KSR1: variants seen among roughly 807,000 people sequenced by gnomAD.
The protein encoded by KSR1 is kinase suppressor of ras.
In KSR1, 35 loss-of-function variants were observed where a neutral mutation model predicts 92.9. The observed-to-expected ratio is 0.38, with a 90% CI of 0.29 to 0.50. KSR1 has a LOEUF of 0.50. Ranked by LOEUF, KSR1 falls within the 20% of genes least tolerant of loss-of-function variation. KSR1 has a pLI of 0.94. For synonymous variants in KSR1, 467 were observed against 472.6 expected (o/e 0.99, Z 0.15); for missense variants, 972 against 1,158.5 (o/e 0.84, Z 2.34).
intron 1 of KSR1, among the ~76,000 whole-genome samples, chr17:27,498,738 C>G (rs1256374429): frequency 1.3e-5 from 2 of 152,226 alleles, no homozygotes; most frequent in African/African-American, 4.8e-5. Context: ...CCCACCCTAG[C>G]AAAGCCCCAC....
intron 1 of KSR1, among the ~76,000 whole-genome samples, chr17:27,497,610 T>C (rs1162533571): frequency 1.3e-5 from 2 of 152,228 alleles, no homozygotes; most frequent in African/African-American, 2.4e-5. Context: ...TTGTTTTGTT[T>C]CAGTTATGCT....
intron 2 of KSR1, among the ~76,000 whole-genome samples, chr17:27,552,980 A>G (rs759475550): frequency 3.3e-5 from 5 of 152,198 alleles, no homozygotes; most frequent in Non-Finnish European, 7.3e-5. Context: ...CAGTGGGTAT[A>G]GAAACTCACC....
At chr17:27,469,029 T>C (rs2019842582) in intron 1 of KSR1, among the ~76,000 whole-genome samples, 2 of 152,192 alleles carry the variant, frequency 1.3e-5, no homozygotes, top group African/African-American at 4.8e-5. Flanking sequence ...TCAGCTAACA[T>C]TGATTAAGCT....
intron 1 of KSR1, among the ~76,000 whole-genome samples, chr17:27,550,103 G>A (rs2071339618): frequency 6.6e-6 from 1 of 152,164 alleles, no homozygotes; most frequent in Admixed American, 6.5e-5. Context: ...ACGGTGGTGT[G>A]ATGATGGCTC....
chr17:27,543,533 C>T (rs2071043298), intron 1 of KSR1, among the ~76,000 whole-genome samples: 1 of 152,212 alleles, frequency 6.6e-6, no homozygotes, highest in African/African-American at 2.4e-5. Context: ...CTCCTTGGCA[C>T]AGTATCTGCT....
In KSR1 at chr17:27,468,997, C is replaced by T. The variant is rs895290984; in HGVS notation, c.231+12123C>T. 5.9e-5 allele frequency among the ~76,000 whole-genome samples: 9 copies of T among 152,150 alleles called. No homozygotes were observed. The East Asian group carries it at 1.5e-3, about 26-fold the overall frequency. On this transcript the variant is annotated intron_variant, in intron 1 of 20. Transcript: ENST00000644974. ...CCCTTCCTTTTCCTTGTTGCTTGTTCCCATTATGAGATAAGTGTATTTCAG... is the reference window on the plus strand; with the variant it reads ...CCCTTCCTTTTCCTTGTTGCTTGTTTCCATTATGAGATAAGTGTATTTCAG...
intron 1 of KSR1, among the ~76,000 whole-genome samples, chr17:27,502,679 C>G (rs771789825): frequency 6.6e-6 from 1 of 152,318 alleles, no homozygotes; most frequent in South Asian, 2.1e-4. Context: ...CACACTTGAG[C>G]GTCAGCACAT....
chr17:27,485,073 T>G (rs1190209583), intron 1 of KSR1, among the ~76,000 whole-genome samples: 5 of 152,186 alleles, frequency 3.3e-5, no homozygotes, highest in Non-Finnish European at 5.9e-5. Context: ...TGGCTTCCTA[T>G]ACCTGGCCCA....
At chr17:27,507,950 C>A (rs1028508887) in intron 1 of KSR1, among the ~76,000 whole-genome samples, 1 of 151,954 alleles carries the variant, frequency 6.6e-6, no homozygotes, top group African/African-American at 2.4e-5. Context: ...GAGCGTGTAG[C>A]CTGGCAGCTG....
chr17:27,523,301 A>G (rs542293138), intron 1 of KSR1, among the ~76,000 whole-genome samples: 5 of 152,220 alleles, frequency 3.3e-5, no homozygotes, highest in African/African-American at 1.2e-4. Context: ...TCTGACTTAC[A>G]TGAATCAGCC....
At chr17:27,601,550 G>A (rs1338818382) in intron 11 of KSR1, 149 bp downstream of exon 11, 1 of 708,070 alleles carries the variant, frequency 1.4e-6, no homozygotes, top group East Asian at 2.7e-5. Context: ...CATAGAGGAT[G>A]GGAAGAGGGC....
At chr17:27,479,136 G>T (rs576995610) in intron 1 of KSR1, among the ~76,000 whole-genome samples, 1 of 84,976 alleles carries the variant, frequency 1.2e-5, no homozygotes, top group South Asian at 4.1e-4. Flanking sequence ...CTGTCTCCCT[G>T]TGTGCTCCTC....
intron 2 of KSR1, among the ~76,000 whole-genome samples, chr17:27,561,645 T>C (rs2948525): frequency 0.56 from 84,801 of 152,116 alleles, 23,983 homozygotes; most frequent in Admixed American, 0.67. Context: ...TGCTCGGCAC[T>C]GTTCTAGCCA....
In KSR1 at chr17:27,457,031, C is replaced by A. The variant is rs914905764; in HGVS notation, c.231+157C>A. On this transcript the variant is annotated intron_variant, in intron 1 of 20. Coordinates refer to ENST00000644974, the MANE Select transcript of KSR1 (RefSeq NM_001394583.1). ...ACTCGCTGATGCGGCAGCCGGAGGA[C>A]CCGGGACCAGCCCTCATCTTGGGCA... 7.6e-4 allele frequency among the ~76,000 whole-genome samples: 115 copies of A among 152,184 alleles called. 1 individual carries two copies. Among genetic ancestry groups the A allele is most frequent in the Admixed American group, 5.0e-3 (76 of 15,288 alleles).
At chr17:27,458,154 G>A (rs1446604664) in intron 1 of KSR1, among the ~76,000 whole-genome samples, 1 of 152,146 alleles carries the variant, frequency 6.6e-6, no homozygotes, top group Admixed American at 6.5e-5. Flanking sequence ...GGCTAAAGCT[G>A]TACTGACCAA....
At position 27,456,705 on chromosome 17, in the gene KSR1, G is replaced by GGGATGCGGCGGCCGCGGA. The variant is rs985603238; in HGVS notation, c.65_82dup (p.Asp22_Glu27dup). ...GAGAAGAAGGAGGGCGGTGGCGGGG[G>GGGATGCGGCGGCCGCGGA]GGATGCGGCGGCCGCGGAGGGAGGC... On this transcript the variant is annotated inframe_insertion, in exon 1 of 21. Transcript: ENST00000644974. 3 of 852,372 alleles carry GGGATGCGGCGGCCGCGGA rather than the reference G, an allele frequency of 3.5e-6. No individual in the cohort carries two copies. The highest frequency in any genetic ancestry group is 5.7e-6 in the Non-Finnish European group (3 of 524,398). 52.8% of individuals were successfully genotyped at this position (852,372 alleles called of 1,614,324 possible).
intron 2 of KSR1, among the ~76,000 whole-genome samples, chr17:27,555,123 C>T (rs888961289): frequency 2.0e-5 from 3 of 152,184 alleles, no homozygotes; most frequent in African/African-American, 7.2e-5. Context: ...ATCATGTCTC[C>T]CCAGTTTCCT....
At chr17:27,476,294 C>T (rs920186614) in intron 1 of KSR1, among the ~76,000 whole-genome samples, 2 of 152,158 alleles carry the variant, frequency 1.3e-5, no homozygotes, top group South Asian at 2.1e-4. Context: ...CTCTGCAGGG[C>T]GCTTGTTGAG....
rs2071724554 is a variant in KSR1, at chr17:27,559,167, T to C, written c.372+8459T>C. 6.6e-6 allele frequency among the ~76,000 whole-genome samples: 1 copy of C among 152,224 alleles called. No homozygotes were observed. Among genetic ancestry groups the C allele is most frequent in the African/African-American group, 2.4e-5 (1 of 41,456 alleles). ...AGAGAGGGGATAGACATGGATGTGG[T>C]CACACAGTACGGCAGCTGCATTTCC... On this transcript the variant is annotated intron_variant, in intron 2 of 20. Transcript: ENST00000644974. This position sits in a 1 kb window ranked among gnomAD's most constrained non-coding sequence, Gnocchi z 4.2.
Sources: gnomAD v4.1 joint callset for allele counts (sites outside exome capture counted in the v4.1 genomes callset) on GRCh38, gnomAD v4.1.1 for gene constraint, Gnocchi (gnomAD v3.1) non-coding constraint, MANE v1.5 for transcripts, NCBI Gene and HGNC (gene_info 2026-07-23, HGNC 2026-07-21) for gene names.